SLC24A3: variants seen among roughly 807,000 people sequenced by gnomAD.
SLC24A3 encodes sodium/potassium/calcium exchanger 3.
A neutral mutation model predicts 75.8 loss-of-function variants in SLC24A3; 28 were observed. The ratio of observed to expected loss-of-function variants is 0.37; its 90% confidence interval spans 0.27 to 0.51. The LOEUF is 0.51. Ranked by LOEUF, SLC24A3 falls within the 20% of genes least tolerant of loss-of-function variation. SLC24A3 has a pLI of 0.94. For missense variants in SLC24A3, 663 were observed against 847.8 expected, an observed-to-expected ratio of 0.78 and a Z score of 2.71; for synonymous variants, 372 against 334.1, an observed-to-expected ratio of 1.11 and a Z score of -1.24.
chr20:19,352,312 G>C (rs1985588311), intron 2 of SLC24A3, among the ~76,000 whole-genome samples: 1 of 152,170 alleles, frequency 6.6e-6, no homozygotes, highest in Non-Finnish European at 1.5e-5. Flanking sequence ...GTTCTGCAGA[G>C]AGTCTCAGCT....
intron 2 of SLC24A3, among the ~76,000 whole-genome samples, chr20:19,451,042 GT>G (rs1198690042): frequency 1.3e-5 from 2 of 152,076 alleles, no homozygotes; most frequent in Non-Finnish European, 2.9e-5. Context: ...TACTTCTGGG[GT>G]TTTGTTAATG....
intron 2 of SLC24A3, among the ~76,000 whole-genome samples, chr20:19,409,077 T>G (rs1281755305): frequency 6.6e-6 from 1 of 152,092 alleles, no homozygotes. Context: ...AAGAGCTCAG[T>G]GTTCTTGGGT....
chr20:19,635,947 T>A (rs533680069), intron 6 of SLC24A3, among the ~76,000 whole-genome samples: 6 of 152,238 alleles, frequency 3.9e-5, no homozygotes, highest in South Asian at 2.1e-4. Flanking sequence ...GAGACCATCC[T>A]GGCTAACACG....
At chr20:19,336,112 T>G (rs1985126323) in intron 2 of SLC24A3, among the ~76,000 whole-genome samples, 1 of 152,194 alleles carries the variant, frequency 6.6e-6, no homozygotes, top group Non-Finnish European at 1.5e-5. Context: ...AATAGACTAC[T>G]TGTTGTTTCT....
At chr20:19,278,333 C>G (rs919942116) in intron 1 of SLC24A3, among the ~76,000 whole-genome samples, 1 of 152,126 alleles carries the variant, frequency 6.6e-6, no homozygotes, top group African/African-American at 2.4e-5. Context: ...TAAAGTGCAC[C>G]TACTATTAGC....
intron 3 of SLC24A3, among the ~76,000 whole-genome samples, chr20:19,573,449 C>T (rs1303629944): frequency 6.6e-6 from 1 of 152,222 alleles, no homozygotes; most frequent in African/African-American, 2.4e-5. Context: ...CTTGCACTAC[C>T]TCTACCCAGC....
chr20:19,629,807 A>G (rs1000095767), intron 6 of SLC24A3, among the ~76,000 whole-genome samples: 8 of 152,236 alleles, frequency 5.3e-5, no homozygotes, highest in African/African-American at 1.4e-4. Context: ...AAAAACTGCC[A>G]TTCATTAATC....
intron 1 of SLC24A3, among the ~76,000 whole-genome samples, chr20:19,255,194 G>A (rs1040427443): frequency 3.3e-5 from 5 of 152,260 alleles, no homozygotes; most frequent in African/African-American, 1.2e-4. Context: ...AGCAGGAGAT[G>A]TATGTATTGT....
At chr20:19,670,020 G>A (rs1017712205) in intron 8 of SLC24A3, among the ~76,000 whole-genome samples, 3 of 152,150 alleles carry the variant, frequency 2.0e-5, no homozygotes, top group African/African-American at 7.2e-5. Context: ...GGCGAGAAAG[G>A]GGACCAAGGA....
At chr20:19,492,793 A>G (rs1384531285) in intron 2 of SLC24A3, among the ~76,000 whole-genome samples, 1 of 152,204 alleles carries the variant, frequency 6.6e-6, no homozygotes, top group African/African-American at 2.4e-5. Flanking sequence ...TGATCATTAT[A>G]TAACTATTAA....
At chr20:19,535,300 C>G (rs530127489) in intron 3 of SLC24A3, among the ~76,000 whole-genome samples, 36 of 152,322 alleles carry the variant, frequency 2.4e-4, no homozygotes, top group African/African-American at 8.4e-4. Context: ...CGTGGTTCTT[C>G]TTGTCTTGGC....
rs532420137 is a variant in SLC24A3, at chr20:19,271,757, G to C, written c.143-9202G>C. Among the ~76,000 whole-genome samples, 11 of 152,238 alleles carry C rather than the reference G, an allele frequency of 7.2e-5. No individual in the cohort carries two copies. The South Asian group carries it at 2.3e-3, about 32-fold the overall frequency. ...AGGAATGGAAAACCAAACATTGTAT[G>C]TTCCCACTCATAAGTGGGAGCTAAG... is the stretch of plus-strand genomic sequence containing the variant. On this transcript the variant is annotated intron_variant, in intron 1 of 16. Coordinates refer to ENST00000328041, the MANE Select transcript of SLC24A3 (RefSeq NM_020689.4).
chr20:19,354,839 A>G (rs1398124120), intron 2 of SLC24A3, among the ~76,000 whole-genome samples: 1 of 152,104 alleles, frequency 6.6e-6, no homozygotes, highest in Non-Finnish European at 1.5e-5. Context: ...TGGTACAGCT[A>G]CCTTGGAAAA....
chr20:19,227,758 T>C (rs532565478), intron 1 of SLC24A3, among the ~76,000 whole-genome samples: 46 of 152,328 alleles, frequency 3.0e-4, no homozygotes, highest in Admixed American at 5.9e-4. Flanking sequence ...CATTAATTAA[T>C]TGTAACTTAT....
At chr20:19,535,382 T>C (rs191571155) in intron 3 of SLC24A3, among the ~76,000 whole-genome samples, 1 of 152,354 alleles carries the variant, frequency 6.6e-6, no homozygotes, top group African/African-American at 2.4e-5. Flanking sequence ...TAGTTGGCTG[T>C]CAGCTTGGGC....
intron 2 of SLC24A3, among the ~76,000 whole-genome samples, chr20:19,367,386 T>C (rs1260622298): frequency 6.6e-6 from 1 of 152,088 alleles, no homozygotes; most frequent in African/African-American, 2.4e-5. Context: ...AACCGAGGCT[T>C]GAAATTTTCA....
chr20:19,699,065 TTA>T (rs1005556948), intron 15 of SLC24A3, among the ~76,000 whole-genome samples: 1 of 152,268 alleles, frequency 6.6e-6, no homozygotes, highest in Admixed American at 6.5e-5. Context: ...TATATCATTT[TTA>T]TATGTCATGA....
intron 9 of SLC24A3, among the ~76,000 whole-genome samples, chr20:19,674,018 AG>A (rs2032497778): frequency 6.6e-6 from 1 of 152,338 alleles, no homozygotes; most frequent in Admixed American, 6.5e-5. Context: ...AGAAGATGCA[AG>A]GTAGTCTACT....
chr20:19,570,666 GTAA>G (rs1231034482), intron 3 of SLC24A3, among the ~76,000 whole-genome samples: 2 of 152,170 alleles, frequency 1.3e-5, no homozygotes, highest in African/African-American at 4.8e-5. Context: ...TATTTTTGAA[GTAA>G]TGATGAACAC....
Sources: allele counts gnomAD v4.1 joint callset (sites outside exome capture counted in the v4.1 genomes callset), GRCh38; gene constraint gnomAD v4.1.1; transcripts MANE v1.5; gene names NCBI Gene and HGNC (gene_info 2026-07-23, HGNC 2026-07-21).